SPIN1: variants seen among roughly 807,000 people sequenced by gnomAD.
SPIN1 encodes spindlin 1.
SPIN1 carries 3 observed loss-of-function variants against 26.0 expected under a neutral mutation model. That is an observed-to-expected ratio of 0.12 (90% CI 0.05 to 0.30). The LOEUF is 0.30. Among genes scored for constraint, SPIN1 ranks in the 10% least tolerant of loss-of-function variants. SPIN1 has a pLI of 1.00. For missense variants in SPIN1, 126 were observed against 333.4 expected (o/e 0.38, Z 4.84); for synonymous variants, 101 against 116.5 (o/e 0.87, Z 0.86).
chr9:88,399,077 G>A (rs577417790), intron 1 of SPIN1, among the ~76,000 whole-genome samples: 12 of 151,340 alleles, frequency 7.9e-5, no homozygotes, highest in African/African-American at 2.7e-4. Context: ...TATTGCCCAG[G>A]CTGGAGTGCA....
chr9:88,426,693 C>G, intron 2 of SPIN1, 102 bp downstream of exon 2: 1 of 1,028,786 alleles, frequency 9.7e-7, no homozygotes, highest in Non-Finnish European at 1.4e-6. Context: ...TAGTGAAAAA[C>G]TTTGTCATTT....
chr9:88,463,550 A>G (rs1392935683), intron 4 of SPIN1, among the ~76,000 whole-genome samples: 1 of 152,202 alleles, frequency 6.6e-6, no homozygotes, highest in Non-Finnish European at 1.5e-5. Context: ...TTGTCACAGG[A>G]AGAAATTAGT....
At chr9:88,460,929 A>T (rs1379442891) in intron 3 of SPIN1, among the ~76,000 whole-genome samples, 1 of 152,196 alleles carries the variant, frequency 6.6e-6, no homozygotes, top group Non-Finnish European at 1.5e-5. Context: ...TCAGTGTTAG[A>T]TAGTAGTTTT....
chr9:88,439,228 T>C (rs1482150763), intron 2 of SPIN1, among the ~76,000 whole-genome samples: 1 of 152,236 alleles, frequency 6.6e-6, no homozygotes, highest in Non-Finnish European at 1.5e-5. Context: ...AATGGTATGC[T>C]ATATTTTTTA....
At chr9:88,408,981 T>TTGTGTG (rs148808911) in intron 1 of SPIN1, among the ~76,000 whole-genome samples, 14,139 of 136,522 alleles carry the variant, frequency 0.1, 780 homozygotes, top group Middle Eastern at 0.17. Context: ...TTGTGTGTGT[T>TTGTGTG]TGTGTGTGTG....
chr9:88,405,725 G>A (rs1827287924), intron 1 of SPIN1, among the ~76,000 whole-genome samples: 1 of 151,900 alleles, frequency 6.6e-6, no homozygotes, highest in African/African-American at 2.4e-5. Flanking sequence ...ACTTTTGTAT[G>A]ACTTTGAACA....
Position 88,419,658 on chromosome 9 carries a change from A to G in SPIN1, c.-158-6724A>G, listed in dbSNP as rs192508640. On this transcript the variant is annotated intron_variant, in intron 1 of 5. Coordinates refer to ENST00000375859, the MANE Select transcript of SPIN1 (RefSeq NM_006717.3). Reference sequence around the variant, plus strand: ...TCTTAATTTCTTATGAAAAATTTGAACTGAAATAAAAGTTCAAAGAATAAC... The same window carrying G: ...TCTTAATTTCTTATGAAAAATTTGAGCTGAAATAAAAGTTCAAAGAATAAC... 1.2e-3 allele frequency among the ~76,000 whole-genome samples: 178 copies of G among 152,380 alleles called. 7 individuals are homozygous for G. The highest frequency in any genetic ancestry group is 7.6e-4 in the Non-Finnish European group (52 of 68,036).
At chr9:88,451,680 C>T (rs2118144805) in intron 3 of SPIN1, among the ~76,000 whole-genome samples, 1 of 152,300 alleles carries the variant, frequency 6.6e-6, no homozygotes, top group Non-Finnish European at 1.5e-5. Context: ...CCTGCCTCAG[C>T]TTCCTAAGTA....
intron 1 of SPIN1, among the ~76,000 whole-genome samples, chr9:88,411,773 C>CTCT: frequency 6.6e-6 from 1 of 152,108 alleles, no homozygotes; most frequent in Non-Finnish European, 1.5e-5. Flanking sequence ...CCCTTGCCTT[C>CTCT]CAAAGTGCTG....
At chr9:88,427,272 A>T (rs1052870349) in intron 2 of SPIN1, among the ~76,000 whole-genome samples, 7 of 152,174 alleles carry the variant, frequency 4.6e-5, no homozygotes, top group African/African-American at 1.4e-4. Context: ...AAAATTATTA[A>T]TAGTACAAAC....
intron 2 of SPIN1, among the ~76,000 whole-genome samples, chr9:88,445,581 G>T (rs1828235494): frequency 6.7e-6 from 1 of 148,356 alleles, no homozygotes; most frequent in Admixed American, 6.8e-5. Flanking sequence ...ATGGAGTCTT[G>T]CTCTGGGCTG....
intron 3 of SPIN1, among the ~76,000 whole-genome samples, chr9:88,452,251 A>T (rs1210149795): frequency 6.6e-6 from 1 of 152,208 alleles, no homozygotes; most frequent in African/African-American, 2.4e-5. Context: ...GAGGAAACTG[A>T]TGCATGGAGG....
At chr9:88,450,389 C>T (rs975010866) in intron 3 of SPIN1, among the ~76,000 whole-genome samples, 5 of 152,104 alleles carry the variant, frequency 3.3e-5, no homozygotes, top group Non-Finnish European at 5.9e-5. Context: ...TATTAATGTG[C>T]GTTCTAATCA....
chr9:88,445,208 C>CT (rs939606298), intron 2 of SPIN1, among the ~76,000 whole-genome samples: 2 of 151,888 alleles, frequency 1.3e-5, no homozygotes, highest in African/African-American at 4.8e-5. Flanking sequence ...ACTTTTCTTT[C>CT]TTTTTTTTCT....
At chr9:88,394,177 T>A (rs1827000109) in intron 1 of SPIN1, among the ~76,000 whole-genome samples, 1 of 152,206 alleles carries the variant, frequency 6.6e-6, no homozygotes, top group Non-Finnish European at 1.5e-5. Flanking sequence ...AAATACTCAC[T>A]GTTTTTCCTT....
At position 88,441,426 on chromosome 9, in the gene SPIN1, C is replaced by T. The variant is rs775933075; in HGVS notation, c.53-7515C>T. Among the ~76,000 whole-genome samples the T allele has an allele frequency of 7.0e-4, 64 of 91,046 alleles. 2 individuals are homozygous for T. The highest frequency in any genetic ancestry group is 5.4e-3 in the African/African-American group (36 of 6,636). The allele number at this position is 91,046 out of a possible 152,430, so 59.7% of individuals were successfully genotyped here. ...GTGTGTGTGTGTGTGCGCGCGCGCG[C>T]GCCCATGTGTGTGTACATACATTGT... On this transcript the variant is annotated intron_variant, in intron 2 of 5. Coordinates refer to ENST00000375859, the MANE Select transcript of SPIN1 (RefSeq NM_006717.3).
At chr9:88,459,818 A>G (rs560952397) in intron 3 of SPIN1, among the ~76,000 whole-genome samples, 3 of 152,286 alleles carry the variant, frequency 2.0e-5, no homozygotes, top group African/African-American at 7.2e-5. Context: ...TGTTCGTTAC[A>G]GTTTTGTTTG....
intron 2 of SPIN1, among the ~76,000 whole-genome samples, chr9:88,433,516 A>G (rs895300690): frequency 6.6e-6 from 1 of 152,208 alleles, no homozygotes; most frequent in African/African-American, 2.4e-5. Context: ...TCCTCTAGGA[A>G]GACATCAAGA....
intron 1 of SPIN1, among the ~76,000 whole-genome samples, chr9:88,413,492 T>G (rs1382851295): frequency 6.6e-6 from 1 of 152,000 alleles, no homozygotes; most frequent in African/African-American, 2.4e-5. Flanking sequence ...CAAGTGATTC[T>G]TCTACCTCAG....
Sources: gnomAD v4.1 joint callset for allele counts (sites outside exome capture counted in the v4.1 genomes callset) on GRCh38, gnomAD v4.1.1 for gene constraint, MANE v1.5 for transcripts, NCBI Gene and HGNC (gene_info 2026-07-23, HGNC 2026-07-21) for gene names.